Variants in MRPL44 observed in about 807,000 individuals in gnomAD.
MRPL44 encodes the protein mitochondrial ribosomal protein L44, also known as large ribosomal subunit protein mL44.
In MRPL44, 21 loss-of-function variants were observed where a neutral mutation model predicts 25.9. That is an observed-to-expected ratio of 0.81 (90% CI 0.58 to 1.17). The LOEUF (loss-of-function observed/expected upper bound fraction) is 1.17. MRPL44 is among the 50% of genes most tolerant of loss of function. The probability of loss-of-function intolerance (pLI) is 0.00; values close to 1 mark genes in which losing one functional copy is unlikely to be tolerated. For synonymous variants in MRPL44, 169 were observed against 151.0 expected (o/e 1.12, Z -0.87); for missense variants, 410 against 398.9 (o/e 1.03, Z -0.24).
At chr2:223,964,262 T>A (rs1434162009) in intron 3 of MRPL44, among the ~76,000 whole-genome samples, 1 of 152,194 alleles carries the variant, frequency 6.6e-6, no homozygotes, top group Non-Finnish European at 1.5e-5. Context: ...CTTGTTCGTG[T>A]TAGAGATTCA....
Position 223,967,234 on chromosome 2 carries a change from CTT to C in MRPL44, c.*210_*211del, listed in dbSNP as rs764923761. ...TTCTGAAATCTTGGTTTGATCAAAT[CTT>C]TTTTTTTTTCTCTTGAGATGGAGTC... is the stretch of plus-strand genomic sequence containing the variant. On this transcript the variant is annotated 3_prime_UTR_variant, in exon 4 of 4. Coordinates refer to ENST00000258383, the MANE Select transcript of MRPL44 (RefSeq NM_022915.5). 9.0e-5 allele frequency: 42 copies of C among 464,316 alleles called. No individual in the cohort carries two copies. The highest frequency in any genetic ancestry group is 1.6e-4 in the Admixed American group (4 of 24,704). 28.8% of individuals were successfully genotyped at this position (464,316 alleles called of 1,614,324 possible).
intron 2 of MRPL44, among the ~76,000 whole-genome samples, chr2:223,962,516 G>T (rs1350005423): frequency 6.6e-6 from 1 of 152,112 alleles, no homozygotes; most frequent in Non-Finnish European, 1.5e-5. Flanking sequence ...ATTGGAATAT[G>T]TAAATTGCTG....
chr2:223,956,851 G>C (rs547663366), upstream of MRPL44, among the ~76,000 whole-genome samples: 12 of 152,152 alleles, frequency 7.9e-5, no homozygotes, highest in Non-Finnish European at 1.6e-4. Context: ...GGAAGAAACT[G>C]TAATTCCCCT....
At chr2:223,963,059 C>T (rs972634689) in intron 2 of MRPL44, among the ~76,000 whole-genome samples, 1 of 152,080 alleles carries the variant, frequency 6.6e-6, no homozygotes, top group Non-Finnish European at 1.5e-5. Flanking sequence ...CCCTGAGTGC[C>T]ATTTTACATG....
intron 3 of MRPL44, among the ~76,000 whole-genome samples, chr2:223,964,621 G>T (rs1689716614): frequency 6.6e-6 from 1 of 152,080 alleles, no homozygotes; most frequent in South Asian, 2.1e-4. Context: ...GATACTCTTT[G>T]TTACTTACCT....
intron 3 of MRPL44, among the ~76,000 whole-genome samples, chr2:223,964,492 A>G (rs1038371812): frequency 3.9e-5 from 6 of 152,204 alleles, no homozygotes; most frequent in Non-Finnish European, 8.8e-5. Flanking sequence ...TTAGGTAAAT[A>G]TTTTTCTAAT....
upstream of MRPL44, chr2:223,957,332 T>C: frequency 7.5e-6 from 8 of 1,072,370 alleles, no homozygotes; most frequent in Non-Finnish European, 1.1e-5. Flanking sequence ...GCCCCTGCCC[T>C]CTCTCAGTCG....
At chr2:223,958,932 A>C (rs1197163414) in intron 1 of MRPL44, among the ~76,000 whole-genome samples, 1 of 152,272 alleles carries the variant, frequency 6.6e-6, no homozygotes, top group Non-Finnish European at 1.5e-5. Context: ...ACACAGAGAC[A>C]CAAAGTGAGC....
At chr2:223,956,447 A>G (rs1234455565), upstream of MRPL44, among the ~76,000 whole-genome samples, 2 of 152,252 alleles carry the variant, frequency 1.3e-5, no homozygotes, top group East Asian at 1.9e-4. Flanking sequence ...AGATGAATGT[A>G]GGTGAGCTGT....
chr2:223,964,162 G>C (rs1393768467), intron 3 of MRPL44, among the ~76,000 whole-genome samples: 1 of 152,174 alleles, frequency 6.6e-6, no homozygotes, highest in Non-Finnish European at 1.5e-5. Context: ...AAGAATCTGA[G>C]TTTTGCTAAT....
Position 223,959,825 on chromosome 2 carries a change from TG to T in MRPL44, c.472del (p.Asp158ThrfsTer21), listed in dbSNP as rs1221898147. 4 of 1,614,226 alleles carry T rather than the reference TG, an allele frequency of 2.5e-6. No individual in the cohort carries two copies. The South Asian group carries it at 4.4e-5, about 18-fold the overall frequency. ...CCACTGAAGGCATAAAAAATCTTGT[TG>T]ACTTTCTCACTGGTGAGGAAGTCGT... ...MPTEGIKNLV[D>X]FLTGEEVVCH... On this transcript the variant is annotated frameshift_variant, in exon 2 of 4. Transcript: ENST00000258383. LOFTEE classifies it high-confidence loss of function.
chr2:223,965,071 G>A (rs185198935), intron 3 of MRPL44, among the ~76,000 whole-genome samples: 1 of 151,866 alleles, frequency 6.6e-6, no homozygotes, highest in African/African-American at 2.4e-5. Flanking sequence ...GAAGTAATTT[G>A]CCATATCACT....
intron 2 of MRPL44, among the ~76,000 whole-genome samples, chr2:223,960,350 C>T (rs1414151325): frequency 6.6e-6 from 1 of 152,198 alleles, no homozygotes; most frequent in African/African-American, 2.4e-5. Flanking sequence ...GCCTGTGCTT[C>T]AGTACCAGCT....
chr2:223,958,302 A>C (rs1426430085), intron 1 of MRPL44, among the ~76,000 whole-genome samples: 1 of 152,166 alleles, frequency 6.6e-6, no homozygotes, highest in Non-Finnish European at 1.5e-5. Flanking sequence ...TATGAGCTCC[A>C]TATTATTGCC....
At chr2:223,959,484 C>T (rs1039710858) in intron 1 of MRPL44, 50 bp from the exon 2 acceptor site, 4 of 1,366,670 alleles carry the variant, frequency 2.9e-6, no homozygotes, top group African/African-American at 1.5e-5. Flanking sequence ...TTTTATATCA[C>T]AGTAACAGGT....
chr2:223,954,644 CAT>C (rs1296747134), upstream of MRPL44, among the ~76,000 whole-genome samples: 62 of 152,316 alleles, frequency 4.1e-4, no homozygotes, highest in Non-Finnish European at 8.1e-4. Context: ...TCTTAGGCAA[CAT>C]CATAACATAG....
chr2:223,963,789 C>T lies in MRPL44; in HGVS notation c.682C>T (p.Leu228Phe), dbSNP rs202157935. 17 of 1,610,076 alleles carry T rather than the reference C, an allele frequency of 1.1e-5. No homozygotes were observed. In the African/African-American group the frequency reaches 1.7e-4, roughly 16 times the overall value. The change falls in exon 3 of 4, where the codon CTC becomes TTC. Residue 228 changes from leucine (L) to phenylalanine (F), a missense_variant. Coordinates refer to ENST00000258383, the MANE Select transcript of MRPL44 (RefSeq NM_022915.5). The stretch of plus-strand genomic sequence containing the variant: ...AATTACTCAAATGACTGGAAAAGAG[C>T]TCTTTGAGATGTGGAAGATAATAAA... ...FLITQMTGKE[L>F]FEMWKIINPM... is the part of the protein sequence containing the mutation.
chr2:223,953,376 G>T (rs529180198), upstream of MRPL44, among the ~76,000 whole-genome samples: 3 of 151,880 alleles, frequency 2.0e-5, no homozygotes, highest in Non-Finnish European at 4.4e-5. Flanking sequence ...CTCATGATCC[G>T]CCTGCCTCGG....
intron 2 of MRPL44, among the ~76,000 whole-genome samples, chr2:223,963,309 G>C (rs1480937716): frequency 1.3e-5 from 2 of 152,068 alleles, no homozygotes. Flanking sequence ...CGAGTATGGT[G>C]GTGTGCACCT....
Sources: allele counts gnomAD v4.1 joint callset (sites outside exome capture counted in the v4.1 genomes callset), GRCh38; gene constraint gnomAD v4.1.1; transcripts MANE v1.5; gene names NCBI Gene and HGNC (gene_info 2026-07-23, HGNC 2026-07-21).